Variants in PDE7B observed in about 807,000 individuals in gnomAD.
PDE7B encodes the protein phosphodiesterase 7B, also known as 3',5'-cyclic-AMP phosphodiesterase 7B.
Under a neutral mutation model 56.2 loss-of-function variants are expected in PDE7B, and 29 were observed. The observed-to-expected ratio is 0.52, with a 90% CI of 0.38 to 0.70. PDE7B has a LOEUF of 0.70. PDE7B is among the 30% of genes least tolerant of loss of function. PDE7B has a pLI of 0.00. For missense variants in PDE7B, 490 were observed against 565.0 expected (o/e 0.87, Z 1.35); for synonymous variants, 197 against 196.9 (o/e 1.00, Z 0.00).
chr6:136,091,430 C>G (rs1379024673), intron 2 of PDE7B, among the ~76,000 whole-genome samples: 1 of 152,170 alleles, frequency 6.6e-6, no homozygotes, highest in Non-Finnish European at 1.5e-5. Flanking sequence ...TGGGCAAAAG[C>G]TTATCTTTTT....
chr6:135,977,616 C>T (rs932836065), intron 2 of PDE7B, among the ~76,000 whole-genome samples: 1 of 152,046 alleles, frequency 6.6e-6, no homozygotes, highest in African/African-American at 2.4e-5. Context: ...TTTCATTGGG[C>T]CAAGGTGGGG....
intron 2 of PDE7B, among the ~76,000 whole-genome samples, chr6:136,036,603 G>T (rs1373140752): frequency 2.6e-5 from 4 of 152,242 alleles, no homozygotes; most frequent in African/African-American, 7.2e-5. Context: ...AATGAGGTGG[G>T]AGTAATGAAA....
intron 1 of PDE7B, among the ~76,000 whole-genome samples, chr6:135,868,724 C>T (rs536712341): frequency 1.1e-4 from 17 of 152,308 alleles, no homozygotes; most frequent in African/African-American, 3.4e-4. Context: ...TGAGCCACCG[C>T]GCCCAGCCTT....
At chr6:135,930,449 A>G (rs935879893) in intron 1 of PDE7B, among the ~76,000 whole-genome samples, 1 of 152,164 alleles carries the variant, frequency 6.6e-6, no homozygotes, top group Non-Finnish European at 1.5e-5. Flanking sequence ...TCTGGCTGCT[A>G]TGTGACAATT....
chr6:136,082,879 T>A (rs534420893), intron 2 of PDE7B, among the ~76,000 whole-genome samples: 1 of 152,312 alleles, frequency 6.6e-6, no homozygotes, highest in South Asian at 2.1e-4. Context: ...CAGAGGGCGA[T>A]GTGAGACGAG....
At chr6:136,043,416 G>A (rs1157497411) in intron 2 of PDE7B, among the ~76,000 whole-genome samples, 3 of 152,016 alleles carry the variant, frequency 2.0e-5, no homozygotes, top group Middle Eastern at 3.4e-3. Flanking sequence ...TTGCAATGTT[G>A]AGATCTTAAA....
chr6:135,920,097 T>G (rs1018496255), intron 1 of PDE7B, among the ~76,000 whole-genome samples: 4 of 152,168 alleles, frequency 2.6e-5, no homozygotes, highest in Non-Finnish European at 4.4e-5. Context: ...TTTTAAAAAG[T>G]GATCATGAGC....
chr6:136,078,959 C>T (rs998636414), intron 2 of PDE7B, among the ~76,000 whole-genome samples: 3 of 152,156 alleles, frequency 2.0e-5, no homozygotes, highest in African/African-American at 7.2e-5. Context: ...TATGGCCACA[C>T]ATGCAATTTT....
chr6:135,916,338 G>A (rs1773936733), intron 1 of PDE7B, among the ~76,000 whole-genome samples: 1 of 149,550 alleles, frequency 6.7e-6, no homozygotes, highest in African/African-American at 2.5e-5. Context: ...ATTCCTTTGT[G>A]AAGTGTATCT....
chr6:136,165,313 AG>A (rs1778775423), intron 8 of PDE7B, among the ~76,000 whole-genome samples: 1 of 152,122 alleles, frequency 6.6e-6, no homozygotes, highest in African/African-American at 2.4e-5. Flanking sequence ...AACTTTATTA[AG>A]GAGATTCTCC....
At chr6:135,955,037 T>A (rs1174977415) in intron 2 of PDE7B, among the ~76,000 whole-genome samples, 1 of 152,164 alleles carries the variant, frequency 6.6e-6, no homozygotes, top group African/African-American at 2.4e-5. Flanking sequence ...TAGCTTCATT[T>A]TCTGTCTAAA....
At chr6:136,185,874 C>T (rs1340766162) in intron 11 of PDE7B, among the ~76,000 whole-genome samples, 2 of 152,156 alleles carry the variant, frequency 1.3e-5, no homozygotes, top group Non-Finnish European at 2.9e-5. Flanking sequence ...TCTACTTTAG[C>T]AGAGTAGATT....
chr6:136,069,993 C>T (rs1466435500), intron 2 of PDE7B, among the ~76,000 whole-genome samples: 1 of 152,086 alleles, frequency 6.6e-6, no homozygotes, highest in Non-Finnish European at 1.5e-5. Flanking sequence ...GTATATTAAA[C>T]TGATAAATAT....
chr6:136,149,700 A>T (rs1330017545), intron 5 of PDE7B, among the ~76,000 whole-genome samples: 1 of 152,166 alleles, frequency 6.6e-6, no homozygotes, highest in Non-Finnish European at 1.5e-5. Flanking sequence ...TTTTGTGCCT[A>T]TAAAGACCTT....
intron 1 of PDE7B, among the ~76,000 whole-genome samples, chr6:135,870,897 G>A (rs1214852767): frequency 6.6e-6 from 1 of 152,090 alleles, no homozygotes; most frequent in Non-Finnish European, 1.5e-5. Context: ...AAAGGAGGAG[G>A]AGCAGGAAAT....
intron 1 of PDE7B, among the ~76,000 whole-genome samples, chr6:135,900,406 A>T (rs1441484152): frequency 1.3e-5 from 2 of 152,122 alleles, no homozygotes; most frequent in Non-Finnish European, 2.9e-5. Flanking sequence ...TTTTAGCTAC[A>T]TTCCTAAAGA....
chr6:136,090,196 T>G (rs1231359295), intron 2 of PDE7B, among the ~76,000 whole-genome samples: 1 of 152,178 alleles, frequency 6.6e-6, no homozygotes, highest in Non-Finnish European at 1.5e-5. Flanking sequence ...TAGCTTGGGT[T>G]CCTTCACGTG....
At chr6:135,974,794 G>T (rs1212145681) in intron 2 of PDE7B, among the ~76,000 whole-genome samples, 1 of 152,178 alleles carries the variant, frequency 6.6e-6, no homozygotes, top group Non-Finnish European at 1.5e-5. Context: ...AGTCCTCCTG[G>T]TGTCACCTTT....
intron 2 of PDE7B, among the ~76,000 whole-genome samples, chr6:135,956,260 A>G (rs1263082391): frequency 6.6e-6 from 1 of 152,180 alleles, no homozygotes; most frequent in Admixed American, 6.5e-5. Flanking sequence ...AAAGGAGAGA[A>G]TGGTATCTTA....
Sources: gnomAD v4.1 joint callset for allele counts (sites outside exome capture counted in the v4.1 genomes callset) on GRCh38, gnomAD v4.1.1 for gene constraint, MANE v1.5 for transcripts, NCBI Gene and HGNC (gene_info 2026-07-23, HGNC 2026-07-21) for gene names.